The following AKAP6 variants were observed in gnomAD, a reference collection of about 807,000 sequenced individuals.
The protein encoded by AKAP6 is A-kinase anchoring protein 6.
In AKAP6, 58 loss-of-function variants were observed where a neutral mutation model predicts 188.5. That is an observed-to-expected ratio of 0.31 (90% confidence interval 0.25 to 0.38). The LOEUF (loss-of-function observed/expected upper bound fraction) is 0.38, where lower values mean the gene tolerates loss of function less well. Ranked by LOEUF, AKAP6 falls within the 10% of genes least tolerant of loss-of-function variation. AKAP6 has a pLI of 1.00. For synonymous variants in AKAP6, 989 were observed against 998.6 expected (o/e 0.99, Z 0.18); for missense variants, 2,710 against 2,740.0 (o/e 0.99, Z 0.24).
intron 12 of AKAP6, among the ~76,000 whole-genome samples, chr14:32,781,713 T>C (rs2140020640): frequency 6.6e-6 from 1 of 152,282 alleles, no homozygotes; most frequent in East Asian, 1.9e-4. Context: ...ATCATGATAT[T>C]GTGAGGTTTA....
At chr14:32,437,042 C>T (rs188079874) in intron 2 of AKAP6, among the ~76,000 whole-genome samples, 17 of 152,318 alleles carry the variant, frequency 1.1e-4, no homozygotes, top group Admixed American at 1.1e-3. Context: ...TTCCTCTGAT[C>T]CTGGCTCCTG....
chr14:32,825,129 A>G (rs756734031), intron 13 of AKAP6, among the ~76,000 whole-genome samples: 20 of 152,206 alleles, frequency 1.3e-4, no homozygotes, highest in Non-Finnish European at 1.6e-4. Flanking sequence ...AAGCTTATCC[A>G]AATCGCAATT....
chr14:32,813,395 C>CG lies in AKAP6; in HGVS notation c.3589-8007_3589-8006insG, dbSNP rs375061629. 1.1e-3 allele frequency among the ~76,000 whole-genome samples: 134 copies of CG among 119,650 alleles called. 3 individuals are homozygous for CG. Among genetic ancestry groups the CG allele is most frequent in the African/African-American group, 4.0e-3 (120 of 29,882 alleles). 78.5% of individuals were successfully genotyped at this position (119,650 alleles called of 152,430 possible). On this transcript the variant is annotated intron_variant, in intron 12 of 13. Coordinates refer to ENST00000280979, the MANE Select transcript of AKAP6 (RefSeq NM_004274.5). ...AGTTTTCATCTCTAACCCTACCCCC[C>CG]CCCCCAACCCCTTTCCCAGAGGTCC...
At chr14:32,543,792 G>A (rs1479348371) in intron 3 of AKAP6, among the ~76,000 whole-genome samples, 2 of 152,138 alleles carry the variant, frequency 1.3e-5, no homozygotes, top group South Asian at 2.1e-4. Flanking sequence ...CTCTATCCAG[G>A]GCCGGTGTCA....
chr14:32,689,545 T>G (rs1890078133), intron 8 of AKAP6, among the ~76,000 whole-genome samples: 1 of 152,218 alleles, frequency 6.6e-6, no homozygotes, highest in African/African-American at 2.4e-5. Context: ...ATGAGGAAGT[T>G]GCTCATGAAT....
intron 9 of AKAP6, among the ~76,000 whole-genome samples, chr14:32,728,564 A>T (rs1328386809): frequency 6.6e-6 from 1 of 152,162 alleles, no homozygotes; most frequent in Non-Finnish European, 1.5e-5. Context: ...ACTGAAGCTC[A>T]GTTAAAAGTA....
At chr14:32,347,174 A>G (rs1177849799) in intron 1 of AKAP6, among the ~76,000 whole-genome samples, 3 of 152,240 alleles carry the variant, frequency 2.0e-5, no homozygotes, top group Admixed American at 6.5e-5. Flanking sequence ...TTTTAAATCA[A>G]TGGTTGGAGA....
At chr14:32,515,091 A>G (rs1328237430) in intron 2 of AKAP6, among the ~76,000 whole-genome samples, 1 of 152,206 alleles carries the variant, frequency 6.6e-6, no homozygotes, top group African/African-American at 2.4e-5. Flanking sequence ...AAAGAGGTTT[A>G]ATGGGCTCAG....
At chr14:32,728,640 T>C (rs559874112) in intron 9 of AKAP6, among the ~76,000 whole-genome samples, 2 of 152,288 alleles carry the variant, frequency 1.3e-5, no homozygotes, top group South Asian at 4.1e-4. Context: ...ATTCTAATAA[T>C]CAAGAAATGT....
At chr14:32,481,458 G>A (rs1374903774) in intron 2 of AKAP6, among the ~76,000 whole-genome samples, 5 of 152,142 alleles carry the variant, frequency 3.3e-5, no homozygotes, top group South Asian at 2.1e-4. Flanking sequence ...ATGGACTCAC[G>A]GTTCTACATG....
chr14:32,396,746 C>T (rs1888892699), intron 1 of AKAP6, among the ~76,000 whole-genome samples: 1 of 152,024 alleles, frequency 6.6e-6, no homozygotes. Flanking sequence ...GTGAAGTTAA[C>T]CCTCAGAAGA....
intron 1 of AKAP6, among the ~76,000 whole-genome samples, chr14:32,343,211 C>T (rs564886257): frequency 1.2e-3 from 155 of 126,618 alleles, no homozygotes; most frequent in African/African-American, 5.1e-3. Context: ...ATTTTCTTCA[C>T]GGTACCTTCC....
chr14:32,736,601 T>G (rs947446309), intron 11 of AKAP6, among the ~76,000 whole-genome samples: 5 of 152,188 alleles, frequency 3.3e-5, no homozygotes, highest in Non-Finnish European at 7.3e-5. Context: ...AGTGCTGGCC[T>G]GAGGCTTTGG....
chr14:32,498,713 A>G lies in AKAP6; in HGVS notation c.325-36841A>G, dbSNP rs971095181. Among the ~76,000 whole-genome samples the G allele has an allele frequency of 4.6e-5, 7 of 152,076 alleles. 1 individual carries two copies. Among genetic ancestry groups the G allele is most frequent in the Non-Finnish European group, 7.4e-5 (5 of 68,008 alleles). The stretch of plus-strand genomic sequence containing the variant: ...CTACTGTAGTCAGGGAGCGAGAACT[A>G]TTCCCAGTTCTGGTGCACTCAAGAT... On this transcript the variant is annotated intron_variant, in intron 2 of 13. Coordinates refer to ENST00000280979, the MANE Select transcript of AKAP6 (RefSeq NM_004274.5).
At chr14:32,583,971 G>C (rs548154334) in intron 5 of AKAP6, among the ~76,000 whole-genome samples, 1 of 152,338 alleles carries the variant, frequency 6.6e-6, no homozygotes, top group Admixed American at 6.5e-5. Context: ...CGCGCACGGT[G>C]CGCTGCACCC....
chr14:32,535,311 A>T (rs1391705609), intron 2 of AKAP6, among the ~76,000 whole-genome samples: 4 of 152,192 alleles, frequency 2.6e-5, no homozygotes, highest in Admixed American at 6.5e-5. Context: ...TGGGCATCTG[A>T]TGGAATAGTA....
intron 2 of AKAP6, among the ~76,000 whole-genome samples, chr14:32,436,046 C>G (rs182311862): frequency 3.3e-5 from 5 of 152,256 alleles, no homozygotes; most frequent in Admixed American, 2.6e-4. Flanking sequence ...TGTGGAAACA[C>G]AACAAAACAA....
chr14:32,588,919 AG>A (rs1885366627), intron 5 of AKAP6, among the ~76,000 whole-genome samples: 1 of 152,240 alleles, frequency 6.6e-6, no homozygotes, highest in Admixed American at 6.5e-5. Context: ...CAGAGTTTTT[AG>A]CCATACAGGA....
chr14:32,672,530 TCTCTTC>T (rs1889253224), intron 7 of AKAP6, among the ~76,000 whole-genome samples: 1 of 152,164 alleles, frequency 6.6e-6, no homozygotes, highest in Admixed American at 6.5e-5. Context: ...ACTTCTGGTA[TCTCTTC>T]CTCTTCTTAC....
Sources: gnomAD v4.1 joint callset for allele counts (sites outside exome capture counted in the v4.1 genomes callset) on GRCh38, gnomAD v4.1.1 for gene constraint, MANE v1.5 for transcripts, NCBI Gene and HGNC (gene_info 2026-07-23, HGNC 2026-07-21) for gene names.